The following HS3ST4 variants were observed in gnomAD, a reference collection of about 807,000 sequenced individuals.
HS3ST4 encodes the protein heparan sulfate-glucosamine 3-sulfotransferase 4.
A neutral mutation model predicts 29.2 loss-of-function variants in HS3ST4; 17 were observed. That is an observed-to-expected ratio of 0.58 (90% CI 0.40 to 0.87). The LOEUF (loss-of-function observed/expected upper bound fraction) is 0.87. Ranked by LOEUF, HS3ST4 falls within the 40% of genes least tolerant of loss-of-function variation. HS3ST4 has a pLI of 0.00. For synonymous variants in HS3ST4, 314 were observed against 285.7 expected (o/e 1.10, Z -1.00); for missense variants, 627 against 634.5 (o/e 0.99, Z 0.13).
intron 1 of HS3ST4, chr16:26,032,690 G>A: frequency 7.6e-7 from 1 of 1,312,480 alleles, no homozygotes; most frequent in Non-Finnish European, 1.1e-6. Flanking sequence ...GGCCTTTTTA[G>A]TCTTGGGCTC....
intron 1 of HS3ST4, among the ~76,000 whole-genome samples, chr16:26,035,980 T>C (rs940416071): frequency 6.6e-6 from 1 of 152,168 alleles, no homozygotes; most frequent in Admixed American, 6.5e-5. Flanking sequence ...GTGTGGATAC[T>C]GGGTAGGTAA....
chr16:25,874,512 A>G (rs1393159067), intron 1 of HS3ST4, among the ~76,000 whole-genome samples: 2 of 152,112 alleles, frequency 1.3e-5, no homozygotes, highest in Non-Finnish European at 2.9e-5. Context: ...TTCCCATGAC[A>G]TTTAACAGGC....
intron 1 of HS3ST4, among the ~76,000 whole-genome samples, chr16:25,844,519 A>G (rs1967444939): frequency 6.6e-6 from 1 of 152,194 alleles, no homozygotes; most frequent in Non-Finnish European, 1.5e-5. Context: ...CCATTTTTAT[A>G]TCTTACAGAG....
intron 1 of HS3ST4, among the ~76,000 whole-genome samples, chr16:26,068,511 G>T (rs1374047894): frequency 6.6e-6 from 1 of 152,120 alleles, no homozygotes; most frequent in Non-Finnish European, 1.5e-5. Flanking sequence ...GAGTGTGAAA[G>T]AAAATTTGAA....
intron 1 of HS3ST4, among the ~76,000 whole-genome samples, chr16:26,080,849 A>G (rs1334851811): frequency 6.6e-6 from 1 of 152,164 alleles, no homozygotes; most frequent in Non-Finnish European, 1.5e-5. Flanking sequence ...CTTTAGTGGG[A>G]ATGGTGAGAT....
At chr16:25,781,732 C>G (rs190367341) in intron 1 of HS3ST4, among the ~76,000 whole-genome samples, 3 of 152,348 alleles carry the variant, frequency 2.0e-5, no homozygotes, top group African/African-American at 2.4e-5. Flanking sequence ...ACCATCCACA[C>G]TCTACTGCCC....
chr16:25,846,913 T>C (rs987049544), intron 1 of HS3ST4, among the ~76,000 whole-genome samples: 2 of 152,148 alleles, frequency 1.3e-5, no homozygotes, highest in East Asian at 3.9e-4. Flanking sequence ...ATCTCTGTAC[T>C]GGAATCCTAT....
At chr16:25,731,054 C>A (rs938559435) in intron 1 of HS3ST4, among the ~76,000 whole-genome samples, 2 of 152,192 alleles carry the variant, frequency 1.3e-5, no homozygotes, top group African/African-American at 4.8e-5. Flanking sequence ...AGCGCTTGAT[C>A]CTCCCAGCAA....
rs140468082 is a variant in HS3ST4, at chr16:25,921,386, C to T, written c.735-214226C>T. On this transcript the variant is annotated intron_variant, in intron 1 of 1. Coordinates refer to ENST00000331351, the MANE Select transcript of HS3ST4 (RefSeq NM_006040.3). ...GGGATAATCTTATCTGTTTCATAGA[C>T]GAGGAATCTGTGATTCAGAGATTTT... Among the ~76,000 whole-genome samples, 1,228 of 152,212 alleles carry T rather than the reference C, an allele frequency of 8.1e-3. 13 individuals are homozygous for T. The highest frequency in any genetic ancestry group is 0.027 in the Middle Eastern group (8 of 294).
At chr16:26,028,848 A>G (rs1254060974) in intron 1 of HS3ST4, 1 of 152,236 alleles carries the variant, frequency 6.6e-6, no homozygotes, top group African/African-American at 2.4e-5. Context: ...TTTGGATTAA[A>G]CACAGAGCCC....
chr16:25,887,702 T>G (rs931372883), intron 1 of HS3ST4, among the ~76,000 whole-genome samples: 31 of 142,134 alleles, frequency 2.2e-4, no homozygotes, highest in South Asian at 4.7e-4. Flanking sequence ...TTTTTTTTTT[T>G]TTTTTTTTTT....
intron 1 of HS3ST4, among the ~76,000 whole-genome samples, chr16:25,878,401 T>G (rs189687884): frequency 1.3e-5 from 2 of 152,276 alleles, no homozygotes; most frequent in Non-Finnish European, 1.5e-5. Flanking sequence ...TTACGTTTGT[T>G]TAATGATGCT....
chr16:25,814,006 C>T (rs892197619), intron 1 of HS3ST4, among the ~76,000 whole-genome samples: 2 of 152,062 alleles, frequency 1.3e-5, no homozygotes, highest in African/African-American at 2.4e-5. Flanking sequence ...GAAGCCAGAC[C>T]CAAAAAGATA....
At chr16:25,951,483 C>G (rs115024063) in intron 1 of HS3ST4, among the ~76,000 whole-genome samples, 5,566 of 152,220 alleles carry the variant, frequency 0.037, 338 homozygotes, top group African/African-American at 0.13. Context: ...TAATAAAACA[C>G]TAACATATTA....
intron 1 of HS3ST4, among the ~76,000 whole-genome samples, chr16:25,941,285 G>T (rs1438481666): frequency 6.6e-6 from 1 of 152,012 alleles, no homozygotes; most frequent in Non-Finnish European, 1.5e-5. Context: ...CCTGCCTCCT[G>T]AGTAGCTGGG....
intron 1 of HS3ST4, among the ~76,000 whole-genome samples, chr16:25,926,563 G>A (rs191148979): frequency 8.9e-4 from 136 of 152,288 alleles, no homozygotes; most frequent in Middle Eastern, 3.4e-3. Context: ...CTTTTAGTGA[G>A]CATTTACTAT....
rs143968053 is a variant in HS3ST4, at chr16:26,093,020, G to A, written c.735-42592G>A. On this transcript the variant is annotated intron_variant, in intron 1 of 1. Coordinates refer to ENST00000331351, the MANE Select transcript of HS3ST4 (RefSeq NM_006040.3). ...GCAGTCTGAGATCAAACTGTGAGGC[G>A]GCAGCCTGGCCGGGAGAGGGGTGTC... is the stretch of plus-strand genomic sequence containing the variant. Among the ~76,000 whole-genome samples the A allele has an allele frequency of 9.0e-3, 1,366 of 152,274 alleles. 16 individuals are homozygous for A. The highest frequency in any genetic ancestry group is 0.031 in the African/African-American group (1,301 of 41,552).
intron 1 of HS3ST4, among the ~76,000 whole-genome samples, chr16:25,922,789 C>T (rs1205204347): frequency 2.0e-5 from 3 of 152,228 alleles, no homozygotes; most frequent in Non-Finnish European, 2.9e-5. Flanking sequence ...GAATTCCAGT[C>T]TCTGAGCATG....
At chr16:25,836,501 A>G (rs1378685782) in intron 1 of HS3ST4, among the ~76,000 whole-genome samples, 10 of 152,222 alleles carry the variant, frequency 6.6e-5, no homozygotes, top group Non-Finnish European at 8.8e-5. Context: ...CAACAGGAAC[A>G]TTTTTACAAA....
Sources: gnomAD v4.1 joint callset for allele counts (sites outside exome capture counted in the v4.1 genomes callset) on GRCh38, gnomAD v4.1.1 for gene constraint, MANE v1.5 for transcripts, NCBI Gene and HGNC (gene_info 2026-07-23, HGNC 2026-07-21) for gene names.